Variants in IL2RA observed in about 807,000 individuals in gnomAD.
IL2RA encodes the protein interleukin-2 receptor subunit alpha.
IL2RA carries 24 observed loss-of-function variants against 37.8 expected under a neutral mutation model. The observed-to-expected ratio is 0.63, with a 90% CI of 0.46 to 0.89. The LOEUF is 0.89. IL2RA is among the 40% of genes least tolerant of loss of function. IL2RA has a pLI of 0.00. For synonymous variants in IL2RA, 125 were observed against 114.6 expected, an observed-to-expected ratio of 1.09 and a Z score of -0.58; for missense variants, 319 against 348.6, an observed-to-expected ratio of 0.92 and a Z score of 0.68.
intron 1 of IL2RA, among the ~76,000 whole-genome samples, chr10:6,031,453 TAC>T (rs112565810): frequency 0.7 from 44,970 of 64,184 alleles, 14,512 homozygotes; most frequent in East Asian, 0.78. Context: ...TATATATATA[TAC>T]ATATATATAT....
rs1412517311 is a variant in IL2RA, at chr10:6,035,077, G to A, written c.65-9052C>T. On this transcript the variant is annotated intron_variant, in intron 1 of 7. Transcript: ENST00000379959. This position sits in a 1 kb window ranked among gnomAD's most constrained non-coding sequence, Gnocchi z 5.4. ...TAAACACTCAAGGCTTAGAAATTGG[G>A]GCTCCCCACCCTGCACTAGGGTCTC... Among the ~76,000 whole-genome samples, 1 of 152,136 alleles carries A rather than the reference G, an allele frequency of 6.6e-6. No homozygotes were observed. The highest frequency in any genetic ancestry group is 1.5e-5 in the Non-Finnish European group (1 of 68,024).
rs1209094841 is a variant in IL2RA, at chr10:6,021,791, C to G, written c.368-98G>C. The G allele has an allele frequency of 3.3e-5, 29 of 885,190 alleles. No homozygotes were observed. The highest frequency in any genetic ancestry group is 4.9e-5 in the East Asian group (2 of 40,650). 54.8% of individuals were successfully genotyped at this position (885,190 alleles called of 1,614,324 possible). A position where few individuals can be genotyped will look rare whatever the true frequency, so the allele number is the denominator to read the frequency against. ...TAGGGACTGGACCTTGGTTCTTACTCTCTTGACTGCTTGCTCATCCTTTCA... is the reference window on the plus strand; with the variant it reads ...TAGGGACTGGACCTTGGTTCTTACTGTCTTGACTGCTTGCTCATCCTTTCA... On this transcript the variant is annotated intron_variant, in intron 3 of 7. Transcript: ENST00000379959. The surrounding 1 kb of genome is among the most constrained non-coding windows in gnomAD (Gnocchi z 4.9).
At chr10:6,026,850 C>T (rs940308588) in intron 1 of IL2RA, among the ~76,000 whole-genome samples, 28 of 152,138 alleles carry the variant, frequency 1.8e-4, no homozygotes, top group Admixed American at 9.8e-4. Flanking sequence ...CAATGGAAGC[C>T]CACACGGAGG....
intron 3 of IL2RA, among the ~76,000 whole-genome samples, chr10:6,024,004 A>G (rs963847535): frequency 1.3e-5 from 2 of 152,228 alleles, no homozygotes; most frequent in African/African-American, 4.8e-5. Context: ...CCAGTTACCA[A>G]ACCAGGGAGT....
chr10:6,038,558 A>G (rs1036317923), intron 1 of IL2RA, among the ~76,000 whole-genome samples: 1 of 152,228 alleles, frequency 6.6e-6, no homozygotes, highest in Non-Finnish European at 1.5e-5. Flanking sequence ...CACACAGCTC[A>G]AGGTGGTGGG....
rs1376573325 is a variant in IL2RA, at chr10:6,025,763, C to A, written c.256+71G>T. On this transcript the variant is annotated intron_variant, in intron 2 of 7. Coordinates refer to ENST00000379959, the MANE Select transcript of IL2RA (RefSeq NM_000417.3). The surrounding 1 kb of genome is among the most constrained non-coding windows in gnomAD (Gnocchi z 4.4). The stretch of plus-strand genomic sequence containing the variant: ...ATTTGTGTCTATAGGGCTGAGTGAA[C>A]AAAAGCTGGGCTCTGTCTCACTCTT... The A allele has an allele frequency of 3.5e-5, 51 of 1,469,548 alleles. No homozygotes were observed. The highest frequency in any genetic ancestry group is 4.6e-5 in the Non-Finnish European group (48 of 1,050,590). 91.0% of individuals were successfully genotyped at this position (1,469,548 alleles called of 1,614,324 possible).
intron 1 of IL2RA, 25 bp from the exon 2 acceptor site, chr10:6,026,050 G>A: frequency 6.2e-7 from 1 of 1,610,852 alleles, no homozygotes; most frequent in Non-Finnish European, 8.5e-7. Context: ...AAGCCTATTA[G>A]GAACTCAAGA....
intron 3 of IL2RA, among the ~76,000 whole-genome samples, chr10:6,023,611 C>T (rs1393717035): frequency 2.0e-5 from 3 of 152,222 alleles, no homozygotes; most frequent in Non-Finnish European, 4.4e-5. Context: ...GCTGGGATTA[C>T]AGGCGTGAGC....
intron 1 of IL2RA, among the ~76,000 whole-genome samples, chr10:6,061,625 A>C (rs1193804086): frequency 6.6e-6 from 1 of 152,194 alleles, no homozygotes; most frequent in African/African-American, 2.4e-5. Flanking sequence ...AACTTTTCTG[A>C]GATCTTAAAT....
At chr10:6,017,718 G>A (rs978579067) in intron 7 of IL2RA, among the ~76,000 whole-genome samples, 1 of 151,970 alleles carries the variant, frequency 6.6e-6, no homozygotes, top group African/African-American at 2.4e-5. Flanking sequence ...TGGGATTACA[G>A]GCACCTGCCA....
intron 1 of IL2RA, among the ~76,000 whole-genome samples, chr10:6,051,506 TATATA>T (rs1308629822): frequency 1.9e-5 from 2 of 107,340 alleles, no homozygotes; most frequent in Non-Finnish European, 3.8e-5. Context: ...TATATATATA[TATATA>T]TATATATTTT....
At position 6,048,097 on chromosome 10, in the gene IL2RA, G is replaced by A. The variant is rs921454613; in HGVS notation, c.64+13991C>T. On this transcript the variant is annotated intron_variant, in intron 1 of 7. Transcript: ENST00000379959. The surrounding 1 kb of genome is among the most constrained non-coding windows in gnomAD (Gnocchi z 5.3). ...GCCTATCCTCCCTCATGTGCTGGCT[G>A]CATCCTGCTCCCGTGGCCCCTGACC... 2.0e-5 allele frequency among the ~76,000 whole-genome samples: 3 copies of A among 152,208 alleles called. No individual in the cohort carries two copies. The East Asian group carries it at 5.8e-4, about 29-fold the overall frequency.
rs1301697832 is a variant in IL2RA, at chr10:6,025,813, A to G, written c.256+21T>C. 1 of 1,611,454 alleles carries G rather than the reference A, an allele frequency of 6.2e-7. No individual in the cohort carries two copies. The highest frequency in any genetic ancestry group is 1.7e-5 in the Admixed American group (1 of 60,022). ...TTGCTGCAGTTCTTTTGTTCTTGGT[A>G]GTCACAGAAGGGACACTTACCAGAG... On this transcript the variant is annotated intron_variant, in intron 2 of 7. Coordinates refer to ENST00000379959, the MANE Select transcript of IL2RA (RefSeq NM_000417.3). The surrounding 1 kb of genome is among the most constrained non-coding windows in gnomAD (Gnocchi z 4.4).
At chr10:6,052,865 G>A (rs754378164) in intron 1 of IL2RA, among the ~76,000 whole-genome samples, 3 of 147,326 alleles carry the variant, frequency 2.0e-5, no homozygotes, top group South Asian at 2.2e-4. Context: ...GGGCAGGTGC[G>A]ACACTGCCGC....
chr10:6,026,648 C>T (rs1839487873), intron 1 of IL2RA, among the ~76,000 whole-genome samples: 1 of 152,176 alleles, frequency 6.6e-6, no homozygotes, highest in South Asian at 2.1e-4. Flanking sequence ...AGTGGTCAAA[C>T]ATCAAACTAT....
rs1840134123 is a variant in IL2RA, at chr10:6,062,288, C to G, written c.-137G>C. 2 of 710,476 alleles carry G rather than the reference C, an allele frequency of 2.8e-6. No individual in the cohort carries two copies. The highest frequency in any genetic ancestry group is 1.6e-5 in the South Asian group (1 of 62,394). The allele number at this position is 710,476 out of a possible 1,614,324, so 44.0% of individuals were successfully genotyped here. A position where few individuals can be genotyped will look rare whatever the true frequency, so the allele number is the denominator to read the frequency against. ...AGATCGGTCCGCCTGGGCTGTCACC[C>G]TTGTGGGTCCATCCAGTCTCTATCG... On this transcript the variant is annotated 5_prime_UTR_variant, in exon 1 of 8. Coordinates refer to ENST00000379959, the MANE Select transcript of IL2RA (RefSeq NM_000417.3).
rs1840067199 is a variant in IL2RA, at chr10:6,057,671, A to G, written c.64+4417T>C. Among the ~76,000 whole-genome samples the G allele has an allele frequency of 2.0e-5, 3 of 152,192 alleles. No individual in the cohort carries two copies. The highest frequency in any genetic ancestry group is 2.0e-4 in the Admixed American group (3 of 15,282). ...AATTCTATTCCCTGTGACCTCAAGC[A>G]ACATGCCTCATTTCCTGAGGGAATT... On this transcript the variant is annotated intron_variant, in intron 1 of 7. Transcript: ENST00000379959. The surrounding 1 kb of genome is among the most constrained non-coding windows in gnomAD (Gnocchi z 4.8).
At chr10:6,019,760 G>T in intron 5 of IL2RA, 110 bp downstream of exon 5, 1 of 1,022,288 alleles carries the variant, frequency 9.8e-7, no homozygotes, top group Non-Finnish European at 1.6e-6. Flanking sequence ...AGGCTGCTGT[G>T]GGCTTCTCCC....
In IL2RA at chr10:6,021,563, G is replaced by A. The variant is rs747017654; in HGVS notation, c.498C>T (p.Ser166=). 19 of 1,614,112 alleles carry A rather than the reference G, an allele frequency of 1.2e-5. No individual in the cohort carries two copies. The Admixed American group carries it at 1.5e-4, about 13-fold the overall frequency. Residue 166 remains serine, a synonymous_variant, in exon 4 of 8, where the codon AGC becomes AGT. Transcript: ENST00000379959. This position sits in a 1 kb window ranked among gnomAD's most constrained non-coding sequence, Gnocchi z 4.9. The part of the protein sequence containing the change: ...YRALHRGPAE[S]VCKMTHGKTR... The stretch of plus-strand genomic sequence containing the variant: ...TCTTCCCGTGGGTCATTTTGCAGAC[G>A]CTCTCAGCAGGACCTCTGTGTAGAG...
Sources: gnomAD v4.1 joint callset for allele counts (sites outside exome capture counted in the v4.1 genomes callset) on GRCh38, gnomAD v4.1.1 for gene constraint, Gnocchi (gnomAD v3.1) non-coding constraint, MANE v1.5 for transcripts, NCBI Gene and HGNC (gene_info 2026-07-23, HGNC 2026-07-21) for gene names.